The following FBN3 variants were observed in gnomAD, a reference collection of about 807,000 sequenced individuals.
FBN3 encodes the protein fibrillin 3.
A neutral mutation model predicts 330.1 loss-of-function variants in FBN3; 234 were observed. That is an observed-to-expected ratio of 0.71 (90% CI 0.64 to 0.79). The LOEUF is 0.79. Ranked by LOEUF, FBN3 falls within the 30% of genes least tolerant of loss-of-function variation. The pLI is 0.00. For synonymous variants in FBN3, 1,458 were observed against 1,517.3 expected, an observed-to-expected ratio of 0.96 and a Z score of 0.91; for missense variants, 3,606 against 3,886.9, an observed-to-expected ratio of 0.93 and a Z score of 1.92.
At chr19:8,147,221 T>C in intron 2 of FBN3, 35 bp from the exon 3 acceptor site, 1 of 1,557,742 alleles carries the variant, frequency 6.4e-7, no homozygotes, top group Non-Finnish European at 8.7e-7. Flanking sequence ...GGTGAGCCCC[T>C]GCCCGTGTGG....
At chr19:8,108,288 A>C (rs1269908927) in intron 36 of FBN3, 50 bp from the exon 37 acceptor site, 1 of 1,424,078 alleles carries the variant, frequency 7.0e-7, no homozygotes, top group Non-Finnish European at 9.7e-7. Flanking sequence ...GGCAAAGCTT[A>C]GGGGAAACAG....
chr19:8,105,268 T>C (rs1211654449), intron 38 of FBN3, among the ~76,000 whole-genome samples: 1 of 151,464 alleles, frequency 6.6e-6, no homozygotes, highest in Non-Finnish European at 1.5e-5. Context: ...TTTCTTTTTT[T>C]TTTTTTTAAG....
At position 8,106,068 on chromosome 19, in the gene FBN3, C is replaced by T. The variant is rs201470303; in HGVS notation, c.4813+40G>A. 8.7e-5 allele frequency: 140 copies of T among 1,608,910 alleles called. No homozygotes were observed. In the African/African-American group the frequency reaches 1.5e-3, roughly 17 times the overall value. ...GCAGGGCAGGAAGGCAGGGAGAGAGCGGAAGAGCCTGACCCACCCCAAAGA... is the reference window on the plus strand; with the variant it reads ...GCAGGGCAGGAAGGCAGGGAGAGAGTGGAAGAGCCTGACCCACCCCAAAGA... On this transcript the variant is annotated intron_variant, in intron 38 of 63. Transcript: ENST00000600128.
At chr19:8,119,526 G>T (rs574258703) in intron 25 of FBN3, among the ~76,000 whole-genome samples, 1 of 152,078 alleles carries the variant, frequency 6.6e-6, no homozygotes, top group Admixed American at 6.6e-5. Context: ...TGTTGTTGTT[G>T]TTTTTGAGAT....
rs762875407 is a variant in FBN3, at chr19:8,091,517, C to A, written c.5979G>T (p.Gln1993His). 1.9e-6 allele frequency: 3 copies of A among 1,614,234 alleles called. No homozygotes were observed. In the South Asian group the frequency reaches 3.3e-5, roughly 18 times the overall value. ...GGACAAAGCCAGGTGGGCAGAGGCA[C>A]TGGAAGCTCCCAGGGCTGTTGGTAC... is the stretch of plus-strand genomic sequence containing the variant. ...GTCTNSPGSFQCLCPPGFVLS... is the reference protein window; with the variant it reads ...GTCTNSPGSFHCLCPPGFVLS... Residue 1993 changes from glutamine to histidine, a missense_variant, in exon 48 of 64, where the codon CAG (glutamine) becomes CAT (histidine). Coordinates refer to ENST00000600128, the MANE Select transcript of FBN3 (RefSeq NM_032447.5).
At chr19:8,116,354 G>A (rs1250533951) in intron 29 of FBN3, among the ~76,000 whole-genome samples, 1 of 152,182 alleles carries the variant, frequency 6.6e-6, no homozygotes. Flanking sequence ...TTAAAGCACA[G>A]CCCTTGAACA....
At chr19:8,134,045 T>C (rs922334847) in intron 13 of FBN3, among the ~76,000 whole-genome samples, 7 of 141,798 alleles carry the variant, frequency 4.9e-5, no homozygotes, top group Non-Finnish European at 9.2e-5. Flanking sequence ...GCTAACATGG[T>C]GAAACCCCAT....
chr19:8,119,286 C>T (rs181373033), intron 25 of FBN3, among the ~76,000 whole-genome samples: 10 of 152,274 alleles, frequency 6.6e-5, no homozygotes, highest in African/African-American at 1.4e-4. Flanking sequence ...CCACTAGAAA[C>T]GGCACTAAGA....
At chr19:8,081,611 T>C (rs2081786971) in intron 57 of FBN3, 131 bp from the exon 58 acceptor site, 1 of 1,095,534 alleles carries the variant, frequency 9.1e-7, no homozygotes, top group South Asian at 2.0e-5. Flanking sequence ...AACACTTCTT[T>C]CTGCAAAAAG....
At chr19:8,068,703 A>G (rs527479494) in intron 63 of FBN3, among the ~76,000 whole-genome samples, 1 of 116,712 alleles carries the variant, frequency 8.6e-6, no homozygotes, top group East Asian at 2.3e-4. Context: ...CCTTGTCTCA[A>G]ATAAATAAAT....
chr19:8,115,771 C>T, intron 29 of FBN3, 131 bp from the exon 30 acceptor site: 1 of 1,058,008 alleles, frequency 9.5e-7, no homozygotes, highest in South Asian at 1.6e-5. Flanking sequence ...TGCTAGGACT[C>T]TCTTTCTTTT....
Position 8,089,597 on chromosome 19 carries a change from G to A in FBN3, c.6324C>T (p.Arg2108=). The change falls in exon 51 of 64, where the codon CGC becomes CGT. Residue 2108 remains arginine, a synonymous_variant. Coordinates refer to ENST00000600128, the MANE Select transcript of FBN3 (RefSeq NM_032447.5). Reference sequence around the variant, plus strand: ...GGCTGTAGCCAAAGGGACACTCACAGCGGAAGGATCCATCGGTGTTGACAC... The same window carrying A: ...GGCTGTAGCCAAAGGGACACTCACAACGGAAGGATCCATCGGTGTTGACAC... ...GVCVNTDGSF[R]CECPFGYSLD... 6.2e-7 allele frequency: 1 copy of A among 1,614,220 alleles called. No individual in the cohort carries two copies. The highest frequency in any genetic ancestry group is 8.5e-7 in the Non-Finnish European group (1 of 1,180,032).
intron 63 of FBN3, among the ~76,000 whole-genome samples, chr19:8,071,053 C>T (rs1475466626): frequency 6.6e-6 from 1 of 150,628 alleles, no homozygotes; most frequent in Non-Finnish European, 1.5e-5. Context: ...GTGGCATCTA[C>T]ACCTCCCAGG....
At chr19:8,120,511 C>T (rs1599388385) in intron 25 of FBN3, among the ~76,000 whole-genome samples, 1 of 151,296 alleles carries the variant, frequency 6.6e-6, no homozygotes, top group East Asian at 1.9e-4. Flanking sequence ...TTTCTTTAGA[C>T]AGGGTCTCAC....
At chr19:8,112,701 C>A (rs1183982225) in intron 30 of FBN3, among the ~76,000 whole-genome samples, 1 of 152,144 alleles carries the variant, frequency 6.6e-6, no homozygotes, top group Non-Finnish European at 1.5e-5. Flanking sequence ...TATGAACACG[C>A]CCCTTTTCCA....
chr19:8,089,401 G>A, intron 51 of FBN3, 144 bp downstream of exon 51: 7 of 824,420 alleles, frequency 8.5e-6, no homozygotes, highest in Non-Finnish European at 1.3e-5. Flanking sequence ...GAAGCACAGA[G>A]GGAGAAAAAG....
intron 13 of FBN3, 26 bp downstream of exon 13, chr19:8,135,935 T>TTGGGGGGGGGGGGGGCGGG: frequency 7.4e-7 from 1 of 1,344,156 alleles, no homozygotes. Context: ...CGGAAGCCCC[T>TTGGGGGGGGGGGGGGCGGG]GCCCACCCGC....
At chr19:8,148,473 CGAAGA>C (rs1360133358) in intron 1 of FBN3, among the ~76,000 whole-genome samples, 1 of 152,168 alleles carries the variant, frequency 6.6e-6, no homozygotes, top group Non-Finnish European at 1.5e-5. Flanking sequence ...CTTAAGCCCA[CGAAGA>C]GAAGAAGGAG....
At chr19:8,134,346 C>T (rs941171635) in intron 13 of FBN3, among the ~76,000 whole-genome samples, 3 of 152,132 alleles carry the variant, frequency 2.0e-5, no homozygotes, top group Non-Finnish European at 2.9e-5. Flanking sequence ...AAAGTGAAAA[C>T]GAACCAGTGT....
Sources: allele counts gnomAD v4.1 joint callset (sites outside exome capture counted in the v4.1 genomes callset), GRCh38; gene constraint gnomAD v4.1.1; transcripts MANE v1.5; gene names NCBI Gene and HGNC (gene_info 2026-07-23, HGNC 2026-07-21).